UNC13A: variants seen among roughly 807,000 people sequenced by gnomAD.
UNC13A encodes the protein unc-13 homolog A.
In UNC13A, 61 loss-of-function variants were observed where a neutral mutation model predicts 219.7. The observed-to-expected ratio is 0.28, with a 90% CI of 0.23 to 0.34. The LOEUF is 0.34. Among genes scored for constraint, UNC13A ranks in the 10% least tolerant of loss-of-function variants. The pLI is 1.00. For synonymous variants in UNC13A, 920 were observed against 884.6 expected, an observed-to-expected ratio of 1.04 and a Z score of -0.71; for missense variants, 1,476 against 2,270.3, an observed-to-expected ratio of 0.65 and a Z score of 7.11.
Position 17,649,685 on chromosome 19 carries a change from G to T in UNC13A, c.1440-98C>A. On this transcript the variant is annotated intron_variant, in intron 12 of 43. Coordinates refer to ENST00000519716, the MANE Select transcript of UNC13A (RefSeq NM_001080421.3). This position sits in a 1 kb window ranked among gnomAD's most constrained non-coding sequence, Gnocchi z 4.4. ...AACCTCCCCCAGGTGTTAAGGGGTT[G>T]AATTGGGTCCCTCAAAAAAAAGATA... The T allele has an allele frequency of 7.3e-7, 1 of 1,363,158 alleles. No homozygotes were observed. The highest frequency in any genetic ancestry group is 1.2e-5 in the South Asian group (1 of 83,942). The allele number at this position is 1,363,158 out of a possible 1,614,324, so 84.4% of individuals were successfully genotyped here.
intron 43 of UNC13A, among the ~76,000 whole-genome samples, chr19:17,608,903 G>A (rs1156377004): frequency 6.6e-6 from 1 of 151,570 alleles, no homozygotes; most frequent in African/African-American, 2.4e-5. Context: ...TGCCCACCTT[G>A]GCCTCCCAAA....
In UNC13A at chr19:17,603,300, A is replaced by C. The variant is rs1294358276; in HGVS notation, c.*2754T>G. The stretch of plus-strand genomic sequence containing the variant: ...GGGAAATAACTTGGCTCTCTCAGGC[A>C]GCTCGACTTCCCCATTTCTTTCCAG... On this transcript the variant is annotated 3_prime_UTR_variant, in exon 44 of 44. Transcript: ENST00000519716. 2.0e-5 allele frequency: 3 copies of C among 152,260 alleles called. No individual in the cohort carries two copies. The highest frequency in any genetic ancestry group is 4.4e-5 in the Non-Finnish European group (3 of 68,110). The allele number at this position is 152,260 out of a possible 1,614,324, so 9.4% of individuals were successfully genotyped here.
At chr19:17,671,010 C>G (rs1368341569) in intron 4 of UNC13A, among the ~76,000 whole-genome samples, 1 of 152,044 alleles carries the variant, frequency 6.6e-6, no homozygotes, top group Non-Finnish European at 1.5e-5. Flanking sequence ...CTCCTCTATG[C>G]CTGGTTCATA....
In UNC13A at chr19:17,608,409, AT is replaced by A. The variant is rs2076561739; in HGVS notation, c.4811+1530del. Among the ~76,000 whole-genome samples, 9 of 137,576 alleles carry A rather than the reference AT, an allele frequency of 6.5e-5. No homozygotes were observed. In the South Asian group the frequency reaches 1.9e-3, roughly 29 times the overall value. 90.3% of individuals were successfully genotyped at this position (137,576 alleles called of 152,430 possible). Reference sequence around the variant, plus strand: ...ATATATATATATTTATATATAATATATAAAAATATATTTATATGATATATAT... The same window carrying A: ...ATATATATATATTTATATATAATATAAAAAATATATTTATATGATATATAT... On this transcript the variant is annotated intron_variant, in intron 43 of 43. Coordinates refer to ENST00000519716, the MANE Select transcript of UNC13A (RefSeq NM_001080421.3).
Position 17,666,719 on chromosome 19 carries a change from GA to G in UNC13A, c.469-16del, listed in dbSNP as rs771006414. ...TGGAACGAATACTGAAGGGGTGGAG[GA>G]AGGAGAAAGGGCTTCTCTCAGAGGG... On this transcript the variant is annotated splice_polypyrimidine_tract_variant and intron_variant, in intron 6 of 43. Transcript: ENST00000519716. 2 of 1,513,240 alleles carry G rather than the reference GA, an allele frequency of 1.3e-6. No homozygotes were observed. Among genetic ancestry groups the G allele is most frequent in the African/African-American group, 2.8e-5 (2 of 70,608 alleles). The allele number at this position is 1,513,240 out of a possible 1,614,324, so 93.7% of individuals were successfully genotyped here.
chr19:17,649,446 C>T lies in UNC13A; in HGVS notation c.1518+63G>A, dbSNP rs1196225987. 3.7e-6 allele frequency: 6 copies of T among 1,613,322 alleles called. No individual in the cohort carries two copies. The highest frequency in any genetic ancestry group is 5.1e-6 in the Non-Finnish European group (6 of 1,179,458). The stretch of plus-strand genomic sequence containing the variant: ...CCCAGGTTGACCATGGGCAGTTCCA[C>T]AGGTTGTGCACTGCTTATAGCAGGC... On this transcript the variant is annotated intron_variant, in intron 13 of 43. Coordinates refer to ENST00000519716, the MANE Select transcript of UNC13A (RefSeq NM_001080421.3). The surrounding 1 kb of genome is among the most constrained non-coding windows in gnomAD (Gnocchi z 4.4).
At chr19:17,650,252 T>G (rs1311483071) in intron 12 of UNC13A, among the ~76,000 whole-genome samples, 3 of 152,136 alleles carry the variant, frequency 2.0e-5, no homozygotes, top group African/African-American at 7.2e-5. Flanking sequence ...GGCTTACGCC[T>G]GTAATAATCC....
intron 4 of UNC13A, among the ~76,000 whole-genome samples, chr19:17,670,221 C>G (rs2079758917): frequency 6.6e-6 from 1 of 151,552 alleles, no homozygotes. Flanking sequence ...GCTGGGATTA[C>G]AGGCATGAGC....
At chr19:17,655,161 G>A (rs2079425330) in intron 11 of UNC13A, 113 bp downstream of exon 11, 1 of 836,734 alleles carries the variant, frequency 1.2e-6, no homozygotes. Context: ...GGGTACGGGT[G>A]GGGTGTTGGG....
chr19:17,641,593 A>G, intron 20 of UNC13A, 37 bp from the exon 21 acceptor site: 1 of 1,602,878 alleles, frequency 6.2e-7, no homozygotes, highest in Non-Finnish European at 8.5e-7. Context: ...TGGAGAGTGC[A>G]AGGGGTCGCC....
At position 17,642,786 on chromosome 19, in the gene UNC13A, T is replaced by G. The variant is rs2076984330; in HGVS notation, c.2472+59A>C. ...TGGTGTGGCCAGAAAGAGGAAGAGC[T>G]GGGCAGGCAGGAATGGTGAGTGGAA... On this transcript the variant is annotated intron_variant, in intron 20 of 43. Transcript: ENST00000519716. 6.3e-6 allele frequency: 9 copies of G among 1,423,436 alleles called. No individual in the cohort carries two copies. The South Asian group carries it at 1.1e-4, about 18-fold the overall frequency. 88.2% of individuals were successfully genotyped at this position (1,423,436 alleles called of 1,614,324 possible).
chr19:17,618,984 T>G (rs1297144861), intron 38 of UNC13A, 22 bp from the exon 39 acceptor site: 1 of 1,613,324 alleles, frequency 6.2e-7, no homozygotes, highest in Non-Finnish European at 8.5e-7. Flanking sequence ...AACATACAGC[T>G]GGGTGAGGGC....
In UNC13A at chr19:17,606,109, T is replaced by C; in HGVS notation, c.5057A>G (p.Lys1686Arg). ...GGCGGAGCGCGTGTCCGACTTGAGC[T>C]TCACGAACTCCTTGGCCACCTCGTC... ...SNDEVAKEFV[K>R]LKSDTRSAEE... Residue 1686 changes from lysine (K) to arginine (R), a missense_variant, in exon 44 of 44, where the codon AAG (lysine) becomes AGG (arginine). Lys to Arg is a conservative substitution (Grantham distance 26). This residue lies in a region of UNC13A where 187 missense variants were observed against 172.3 expected (regional missense o/e 1.09). Transcript: ENST00000519716. 6.3e-7 allele frequency: 1 copy of C among 1,596,862 alleles called. No homozygotes were observed.
chr19:17,669,910 T>C (rs1488493359), intron 4 of UNC13A, among the ~76,000 whole-genome samples: 8 of 150,924 alleles, frequency 5.3e-5, no homozygotes, highest in African/African-American at 2.4e-5. Context: ...TTCCTTTCTT[T>C]TCCTTCCTTC....
chr19:17,650,324 A>G (rs57258853), intron 12 of UNC13A, among the ~76,000 whole-genome samples: 1,803 of 151,692 alleles, frequency 0.012, 48 homozygotes, highest in African/African-American at 0.041. Context: ...GACCAGCCTG[A>G]CCAACATGGT....
At chr19:17,663,728 A>T (rs563856813) in intron 7 of UNC13A, among the ~76,000 whole-genome samples, 161 bp from the exon 8 acceptor site, 10 of 151,782 alleles carry the variant, frequency 6.6e-5, no homozygotes, top group Admixed American at 1.3e-4. Context: ...CATTGCTGAC[A>T]CTTGCTGTGT....
chr19:17,655,956 TG>T lies in UNC13A; in HGVS notation c.1209del (p.Lys404SerfsTer100). 1.3e-6 allele frequency: 2 copies of T among 1,549,702 alleles called. No individual in the cohort carries two copies. Among genetic ancestry groups the T allele is most frequent in the Non-Finnish European group, 8.7e-7 (1 of 1,149,794 alleles). ...GGCACCTTGTCGGGCGTGGCTGGCT[TG>T]GGGGCCACCTTGGCCATGTCGGGGG... ...TEAPDMAKVAPKPATPDKVPA... is the reference protein window; with the variant it reads ...TEAPDMAKVAXKPATPDKVPA... On this transcript the variant is annotated frameshift_variant, in exon 10 of 44. Coordinates refer to ENST00000519716, the MANE Select transcript of UNC13A (RefSeq NM_001080421.3). LOFTEE classifies it high-confidence loss of function.
chr19:17,611,662 C>T, intron 42 of UNC13A, 101 bp downstream of exon 42: 1 of 1,088,616 alleles, frequency 9.2e-7, no homozygotes, highest in Admixed American at 1.9e-5. Context: ...GTTTCATGGA[C>T]CATTAAACAA....
At chr19:17,672,553 G>A (rs2079810488) in intron 3 of UNC13A, 58 bp from the exon 4 acceptor site, 1 of 1,427,022 alleles carries the variant, frequency 7.0e-7, no homozygotes, top group East Asian at 2.3e-5. Context: ...GGGGGCCCAG[G>A]GAGTTTAGTT....
Sources: gnomAD v4.1 joint callset for allele counts (sites outside exome capture counted in the v4.1 genomes callset) on GRCh38, gnomAD v4.1.1 for gene constraint, gnomAD v4.1.1 regional missense constraint, Gnocchi (gnomAD v3.1) non-coding constraint, MANE v1.5 for transcripts, NCBI Gene and HGNC (gene_info 2026-07-23, HGNC 2026-07-21) for gene names.